The following TSPAN5 variants were observed in gnomAD, a reference collection of about 807,000 sequenced individuals.
TSPAN5 encodes tetraspanin-5.
Under a neutral mutation model 37.1 loss-of-function variants are expected in TSPAN5, and 10 were observed. The ratio of observed to expected loss-of-function variants is 0.27; its 90% CI spans 0.17 to 0.46. The LOEUF (loss-of-function observed/expected upper bound fraction) is 0.46, where lower values mean the gene tolerates loss of function less well. Ranked by LOEUF, TSPAN5 falls within the 20% of genes least tolerant of loss-of-function variation. The probability of loss-of-function intolerance (pLI) is 1.00; values close to 1 mark genes in which losing one functional copy is unlikely to be tolerated. For missense variants in TSPAN5, 195 were observed against 326.6 expected (o/e 0.60, Z 3.11); for synonymous variants, 110 against 118.9 (o/e 0.93, Z 0.48).
chr4:98,648,594 T>C (rs570030466), intron 1 of TSPAN5, among the ~76,000 whole-genome samples: 227 of 152,356 alleles, frequency 1.5e-3, no homozygotes, highest in African/African-American at 5.2e-3. Context: ...TTTTTAGGGC[T>C]TTCAGGTTTA....
chr4:98,625,398 G>A (rs1048867455), intron 1 of TSPAN5, among the ~76,000 whole-genome samples: 5 of 152,094 alleles, frequency 3.3e-5, no homozygotes, highest in Non-Finnish European at 5.9e-5. Flanking sequence ...AGCCACTTTG[G>A]TTCCAAAGCC....
At chr4:98,549,654 T>G (rs1291018379) in intron 1 of TSPAN5, among the ~76,000 whole-genome samples, 1 of 152,156 alleles carries the variant, frequency 6.6e-6, no homozygotes, top group Non-Finnish European at 1.5e-5. Context: ...AGCATTTTTT[T>G]CATGTTTGTT....
intron 1 of TSPAN5, among the ~76,000 whole-genome samples, chr4:98,595,606 A>T (rs1755745074): frequency 7.6e-6 from 1 of 131,184 alleles, no homozygotes; most frequent in Admixed American, 7.6e-5. Flanking sequence ...CACTGCTTTG[A>T]ATGCGTCCCA....
At chr4:98,633,754 A>G (rs1189435140) in intron 1 of TSPAN5, among the ~76,000 whole-genome samples, 1 of 152,152 alleles carries the variant, frequency 6.6e-6, no homozygotes, top group Non-Finnish European at 1.5e-5. Flanking sequence ...CCTCTTTTGT[A>G]TGTCATGCCA....
chr4:98,492,148 C>A (rs1306838830), intron 2 of TSPAN5, among the ~76,000 whole-genome samples: 17 of 152,136 alleles, frequency 1.1e-4, no homozygotes, highest in Admixed American at 1.1e-3. Flanking sequence ...ATCCTGCTGG[C>A]CTGGTGAGGG....
At chr4:98,610,361 TAA>T (rs1318720971) in intron 1 of TSPAN5, among the ~76,000 whole-genome samples, 1 of 152,196 alleles carries the variant, frequency 6.6e-6, no homozygotes, top group Non-Finnish European at 1.5e-5. Context: ...CACTGGGGAC[TAA>T]GTTTCCAATA....
chr4:98,626,910 G>GTTTTTT (rs1579040736), intron 1 of TSPAN5, among the ~76,000 whole-genome samples: 1 of 51,988 alleles, frequency 1.9e-5, no homozygotes, highest in African/African-American at 8.1e-5. Flanking sequence ...TTTTTTTTTG[G>GTTTTTT]TCTGCTTTGT....
At chr4:98,582,301 C>T (rs572198069) in intron 1 of TSPAN5, among the ~76,000 whole-genome samples, 11 of 152,278 alleles carry the variant, frequency 7.2e-5, no homozygotes, top group Non-Finnish European at 1.5e-4. Context: ...GGTGCCATCC[C>T]CACTGGAGCT....
At chr4:98,562,382 G>A (rs1754898882) in intron 1 of TSPAN5, among the ~76,000 whole-genome samples, 2 of 152,156 alleles carry the variant, frequency 1.3e-5, no homozygotes, top group African/African-American at 4.8e-5. Context: ...AAAATCACAG[G>A]CCGGGTGCGG....
At chr4:98,645,916 T>C (rs1407869856) in intron 1 of TSPAN5, among the ~76,000 whole-genome samples, 1 of 152,210 alleles carries the variant, frequency 6.6e-6, no homozygotes, top group Non-Finnish European at 1.5e-5. Context: ...CTTAGACTTA[T>C]CCCTTTATCC....
intron 1 of TSPAN5, among the ~76,000 whole-genome samples, chr4:98,527,765 A>G (rs1192604533): frequency 2.0e-5 from 3 of 152,212 alleles, no homozygotes; most frequent in Non-Finnish European, 4.4e-5. Context: ...TCCCTGGAAA[A>G]GCATGGCTGT....
chr4:98,635,516 GC>G (rs1287951716), intron 1 of TSPAN5, among the ~76,000 whole-genome samples: 2 of 152,216 alleles, frequency 1.3e-5, no homozygotes, highest in Non-Finnish European at 2.9e-5. Context: ...TGACATGACA[GC>G]TTGTAAAACT....
intron 1 of TSPAN5, among the ~76,000 whole-genome samples, chr4:98,548,936 T>A (rs13115767): frequency 6.6e-6 from 1 of 151,674 alleles, no homozygotes; most frequent in Non-Finnish European, 1.5e-5. Context: ...ACATTTTCTG[T>A]ATCCAATGAT....
chr4:98,548,254 T>C (rs1235201477), intron 1 of TSPAN5, among the ~76,000 whole-genome samples: 1 of 152,146 alleles, frequency 6.6e-6, no homozygotes, highest in Non-Finnish European at 1.5e-5. Context: ...AAACACCTAC[T>C]GAAAAACAAA....
chr4:98,628,681 C>T (rs576199101), intron 1 of TSPAN5, among the ~76,000 whole-genome samples: 87 of 152,252 alleles, frequency 5.7e-4, no homozygotes, highest in African/African-American at 2.0e-3. Flanking sequence ...CTATTGCATT[C>T]CCAGCACCCT....
chr4:98,493,089 A>G (rs1226284904), intron 2 of TSPAN5, among the ~76,000 whole-genome samples: 1 of 152,190 alleles, frequency 6.6e-6, no homozygotes, highest in African/African-American at 2.4e-5. Flanking sequence ...AGGCAGAAAG[A>G]TCACTTGAGC....
intron 1 of TSPAN5, among the ~76,000 whole-genome samples, chr4:98,571,630 T>C (rs1218677120): frequency 6.6e-6 from 1 of 151,948 alleles, no homozygotes; most frequent in East Asian, 1.9e-4. Context: ...CACTTGTGTG[T>C]GTAAAGGTGA....
chr4:98,638,153 ATGAGTTCTCCTGCCCC>A (rs1324296071), intron 1 of TSPAN5, among the ~76,000 whole-genome samples: 1 of 152,114 alleles, frequency 6.6e-6, no homozygotes, highest in Non-Finnish European at 1.5e-5. Context: ...TCCTGATGCC[ATGAGTTCTCCTGCCCC>A]TGCCACCATA....
rs61539900 is a variant in TSPAN5, at chr4:98,477,662, C to CTTT, written c.576+1020_576+1022dup. ...TGTCATTCTAACACTAGAGAGTTAC[C>CTTT]TTTTTTTTTTTTTTTTAAGAATTGT... On this transcript the variant is annotated intron_variant, in intron 5 of 7. Coordinates refer to ENST00000305798, the MANE Select transcript of TSPAN5 (RefSeq NM_005723.4). Among the ~76,000 whole-genome samples, 684 of 141,286 alleles carry CTTT rather than the reference C, an allele frequency of 4.8e-3. 9 individuals carry two copies. The highest frequency in any genetic ancestry group is 0.017 in the African/African-American group (655 of 38,098). 92.7% of individuals were successfully genotyped at this position (141,286 alleles called of 152,430 possible). A position where few individuals can be genotyped will look rare whatever the true frequency, so the allele number is the denominator to read the frequency against.
Sources: allele counts gnomAD v4.1 joint callset (sites outside exome capture counted in the v4.1 genomes callset), GRCh38; gene constraint gnomAD v4.1.1; transcripts MANE v1.5; gene names NCBI Gene and HGNC (gene_info 2026-07-23, HGNC 2026-07-21).